The following YME1L1 variants were observed in gnomAD, a reference collection of about 807,000 sequenced individuals.
The protein encoded by YME1L1 is ATP-dependent zinc metalloprotease YME1L1.
Under a neutral mutation model 90.4 loss-of-function variants are expected in YME1L1, and 39 were observed. That is an observed-to-expected ratio of 0.43 (90% CI 0.33 to 0.56). The LOEUF (loss-of-function observed/expected upper bound fraction) is 0.56, where lower values mean the gene tolerates loss of function less well. YME1L1 is among the 20% of genes least tolerant of loss of function. The pLI is 0.03. For missense variants in YME1L1, 617 were observed against 868.4 expected, an observed-to-expected ratio of 0.71 and a Z score of 3.64; for synonymous variants, 284 against 287.3, an observed-to-expected ratio of 0.99 and a Z score of 0.12.
rs2056758744 is a variant in YME1L1, at chr10:27,111,523, C to T, written c.*454G>A. 7 of 223,010 alleles carry T rather than the reference C, an allele frequency of 3.1e-5. No individual in the cohort carries two copies. The South Asian group carries it at 3.4e-4, about 11-fold the overall frequency. 13.8% of individuals were successfully genotyped at this position (223,010 alleles called of 1,614,324 possible). On this transcript the variant is annotated 3_prime_UTR_variant, in exon 19 of 19. Transcript: ENST00000376016. ...GGCTATATTCCTGGCTCTGTGTTTC[C>T]GAGACTGCTTTTAATCCCAACTTCT...
intron 8 of YME1L1, 42 bp downstream of exon 8, chr10:27,131,817 T>G (rs767977394): frequency 1.9e-5 from 27 of 1,433,254 alleles, no homozygotes; most frequent in Middle Eastern, 3.5e-4. Context: ...GAGTATCAAT[T>G]AGAGGATGTA....
chr10:27,112,671 C>G lies in YME1L1; in HGVS notation c.2008-551G>C, dbSNP rs528805984. On this transcript the variant is annotated intron_variant, in intron 18 of 18. Transcript: ENST00000376016. ...TGCCATCTGACAAACATAGTCCTTA[C>G]TCACTAAAGACTTTGGCACTCAGCT... 5.3e-5 allele frequency among the ~76,000 whole-genome samples: 8 copies of G among 152,286 alleles called. No homozygotes were observed. The East Asian group carries it at 1.5e-3, about 29-fold the overall frequency.
intron 4 of YME1L1, among the ~76,000 whole-genome samples, chr10:27,137,838 T>C (rs1055684234): frequency 5.2e-4 from 79 of 152,254 alleles, no homozygotes; most frequent in African/African-American, 1.8e-3. Flanking sequence ...AATCTTTAGT[T>C]ATATATATTG....
At chr10:27,124,447 A>G (rs868336192) in intron 9 of YME1L1, among the ~76,000 whole-genome samples, 3 of 152,172 alleles carry the variant, frequency 2.0e-5, no homozygotes, top group Middle Eastern at 3.2e-3. Context: ...TACCTGATTT[A>G]TATGTTTTTA....
chr10:27,140,526 T>A (rs2057076327), intron 4 of YME1L1, among the ~76,000 whole-genome samples: 1 of 152,230 alleles, frequency 6.6e-6, no homozygotes. Context: ...GTTGCCAGGC[T>A]GGAGTTCAGT....
Position 27,136,448 on chromosome 10 carries a change from G to A in YME1L1, c.431-63C>T, listed in dbSNP as rs1167082726. 4 of 1,372,462 alleles carry A rather than the reference G, an allele frequency of 2.9e-6. No homozygotes were observed. The East Asian group carries it at 9.3e-5, about 32-fold the overall frequency. The allele number at this position is 1,372,462 out of a possible 1,614,324, so 85.0% of individuals were successfully genotyped here. A position where few individuals can be genotyped will look rare whatever the true frequency, so the allele number is the denominator to read the frequency against. On this transcript the variant is annotated intron_variant, in intron 4 of 18. Coordinates refer to ENST00000376016, the MANE Select transcript of YME1L1 (RefSeq NM_014263.4). ...GTTACAGGAAAAGAAAAATGCCTAA[G>A]ATTCTAAAGTCTGACACCCTACCTG...
chr10:27,123,460 G>GA, intron 10 of YME1L1, 87 bp downstream of exon 10: 2 of 1,447,308 alleles, frequency 1.4e-6, no homozygotes, highest in Non-Finnish European at 1.9e-6. Flanking sequence ...AAAAAAGGAA[G>GA]AAAAAAAGTA....
rs569513493 is a variant in YME1L1 at position 27,131,859 on chromosome 10, C to T, written c.858G>A (p.Gly286=). ...MKNVTFEHVK[G]VEEAKQELQE... ...AGGCAAGGCAATCTTCTTAACTTAC[C>T]CCTTTAACATGTTCAAAGGTGACAT... Residue 286 remains glycine, a splice_region_variant and synonymous_variant, in exon 8 of 19, where the codon GGG becomes GGA. Coordinates refer to ENST00000376016, the MANE Select transcript of YME1L1 (RefSeq NM_014263.4). 6.2e-6 allele frequency: 10 copies of T among 1,606,452 alleles called. No individual in the cohort carries two copies. The highest frequency in any genetic ancestry group is 5.6e-5 in the South Asian group (5 of 89,372).
At chr10:27,130,936 T>A (rs971938284) in intron 8 of YME1L1, among the ~76,000 whole-genome samples, 1 of 152,234 alleles carries the variant, frequency 6.6e-6, no homozygotes, top group African/African-American at 2.4e-5. Flanking sequence ...TCTTTTTGAC[T>A]CCTCTTTTCT....
At chr10:27,140,800 GTCTTT>G (rs1434082877) in intron 4 of YME1L1, among the ~76,000 whole-genome samples, 1 of 152,060 alleles carries the variant, frequency 6.6e-6, no homozygotes, top group Non-Finnish European at 1.5e-5. Context: ...TTTTTAAGCT[GTCTTT>G]TCTGTTACTG....
chr10:27,113,976 T>C lies in YME1L1; in HGVS notation c.2007+545A>G, dbSNP rs1588580045. On this transcript the variant is annotated intron_variant, in intron 18 of 18. Transcript: ENST00000376016. ...AAAAAAAAAAAAAAAAATTTATTTG[T>C]TGAATACATGTCAAAGACTCAATAA... Among the ~76,000 whole-genome samples the C allele has an allele frequency of 3.9e-5, 6 of 152,048 alleles. 1 individual carries two copies. In the South Asian group the frequency reaches 1.2e-3, roughly 32 times the overall value.
At position 27,134,043 on chromosome 10, in the gene YME1L1, T is replaced by G; in HGVS notation, c.771A>C (p.Leu257Phe). Reference protein sequence around the residue: ...GIYGLLKNPFLSVRFRTTTGL... With the variant: ...GIYGLLKNPFFSVRFRTTTGL... ...ACAAATAAAAAAAGCTTTTACCAGA[T>G]AAAAATGGGTTTTTTAGAAGTCCAT... is the stretch of plus-strand genomic sequence containing the variant. Residue 257 changes from leucine to phenylalanine, a missense_variant, in exon 7 of 19, where the codon TTA becomes TTC. By Grantham distance (22) the Leu-to-Phe change is conservative. Coordinates refer to ENST00000376016, the MANE Select transcript of YME1L1 (RefSeq NM_014263.4). 1 of 1,609,602 alleles carries G rather than the reference T, an allele frequency of 6.2e-7. No homozygotes were observed.
chr10:27,142,356 T>C (rs961207455), intron 4 of YME1L1, 31 bp downstream of exon 4: 15 of 1,253,794 alleles, frequency 1.2e-5, no homozygotes, highest in Non-Finnish European at 1.5e-5. Flanking sequence ...AAATATTTTT[T>C]TTTCCACAAT....
At chr10:27,152,301 T>C (rs529145236) in intron 1 of YME1L1, among the ~76,000 whole-genome samples, 1 of 152,380 alleles carries the variant, frequency 6.6e-6, no homozygotes, top group South Asian at 2.1e-4. Flanking sequence ...TGAGCTCTTC[T>C]CAATGAAAAA....
chr10:27,151,012 G>A lies in YME1L1; in HGVS notation c.34-1972C>T, dbSNP rs1039313637. ...GCAATCTCGGCTCACTGCAACCACC[G>A]CCTCCTGGGTTCGAGTGATTCTCCT... On this transcript the variant is annotated intron_variant, in intron 1 of 18. Coordinates refer to ENST00000376016, the MANE Select transcript of YME1L1 (RefSeq NM_014263.4). 1.5e-4 allele frequency among the ~76,000 whole-genome samples: 20 copies of A among 131,266 alleles called. 1 individual carries two copies. Among genetic ancestry groups the A allele is most frequent in the Admixed American group, 4.8e-4 (5 of 10,504 alleles). The allele number at this position is 131,266 out of a possible 152,430, so 86.1% of individuals were successfully genotyped here. A position where few individuals can be genotyped will look rare whatever the true frequency, so the allele number is the denominator to read the frequency against.
intron 11 of YME1L1, among the ~76,000 whole-genome samples, chr10:27,122,308 T>C (rs2056875620): frequency 6.6e-6 from 1 of 152,228 alleles, no homozygotes; most frequent in African/African-American, 2.4e-5. Flanking sequence ...TGGTTAATTT[T>C]TGAAAAATTA....
At chr10:27,127,377 T>C (rs975741076) in intron 8 of YME1L1, among the ~76,000 whole-genome samples, 1 of 152,166 alleles carries the variant, frequency 6.6e-6, no homozygotes, top group Non-Finnish European at 1.5e-5. Flanking sequence ...AAACAAAGCT[T>C]TGTCCATTCC....
intron 17 of YME1L1, 75 bp downstream of exon 17, chr10:27,115,985 A>G (rs1588581996): frequency 2.3e-6 from 3 of 1,317,998 alleles, no homozygotes; most frequent in East Asian, 4.6e-5. Flanking sequence ...TTACCAATTT[A>G]TAATCAGAAC....
Position 27,142,820 on chromosome 10 carries a change from A to G in YME1L1, c.332-335T>C, listed in dbSNP as rs1352799293. ...AAGCTCTGCCTCCCAGGTTCACGCCATTCTCCTGCCTCGGCCTCCCAAGTA... is the reference window on the plus strand; with the variant it reads ...AAGCTCTGCCTCCCAGGTTCACGCCGTTCTCCTGCCTCGGCCTCCCAAGTA... On this transcript the variant is annotated intron_variant, in intron 3 of 18. Transcript: ENST00000376016. Among the ~76,000 whole-genome samples the G allele has an allele frequency of 2.6e-5, 4 of 152,036 alleles. No homozygotes were observed. The East Asian group carries it at 7.8e-4, about 30-fold the overall frequency.
Sources: allele counts gnomAD v4.1 joint callset (sites outside exome capture counted in the v4.1 genomes callset), GRCh38; gene constraint gnomAD v4.1.1; transcripts MANE v1.5; gene names NCBI Gene and HGNC (gene_info 2026-07-23, HGNC 2026-07-21).